The following PCDH9 variants were observed in gnomAD, a reference collection of about 807,000 sequenced individuals.
PCDH9 encodes the protein protocadherin-9.
PCDH9 carries 24 observed loss-of-function variants against 70.6 expected under a neutral mutation model. That is an observed-to-expected ratio of 0.34 (90% confidence interval 0.25 to 0.48). The LOEUF is 0.48. Among genes scored for constraint, PCDH9 ranks in the 20% least tolerant of loss-of-function variants. The pLI is 0.99. For missense variants in PCDH9, 1,281 were observed against 1,503.6 expected (o/e 0.85, Z 2.45); for synonymous variants, 562 against 558.5 (o/e 1.01, Z -0.09).
intron 3 of PCDH9, among the ~76,000 whole-genome samples, chr13:66,770,757 C>T (rs1027148776): frequency 4.6e-5 from 7 of 152,214 alleles, no homozygotes; most frequent in African/African-American, 1.4e-4. Flanking sequence ...TTTTCCTGTT[C>T]TGGCAAACTC....
intron 4 of PCDH9, among the ~76,000 whole-genome samples, chr13:66,503,322 G>A (rs1484520514): frequency 1.3e-5 from 2 of 152,114 alleles, no homozygotes; most frequent in African/African-American, 2.4e-5. Context: ...GGGGATGAGA[G>A]GGCCTGTTTA....
intron 3 of PCDH9, among the ~76,000 whole-genome samples, chr13:66,851,667 G>T (rs372118585): frequency 1.3e-5 from 2 of 151,754 alleles, no homozygotes; most frequent in Non-Finnish European, 2.9e-5. Context: ...AAGTTATTGC[G>T]GATTTTGCCA....
intron 4 of PCDH9, among the ~76,000 whole-genome samples, chr13:66,530,377 T>C (rs1302729009): frequency 6.6e-6 from 1 of 152,086 alleles, no homozygotes; most frequent in Non-Finnish European, 1.5e-5. Context: ...TTCCATTTTA[T>C]TGCTGTGCTT....
At chr13:66,668,634 G>A (rs2078129066) in intron 3 of PCDH9, among the ~76,000 whole-genome samples, 2 of 152,090 alleles carry the variant, frequency 1.3e-5, no homozygotes, top group South Asian at 4.1e-4. Context: ...AAATATAGAT[G>A]GTAATATGCA....
chr13:66,840,239 T>C (rs1320786551), intron 3 of PCDH9, among the ~76,000 whole-genome samples: 1 of 151,004 alleles, frequency 6.6e-6, no homozygotes, highest in Non-Finnish European at 1.5e-5. Context: ...TACTCAAAGA[T>C]CTTTTATATT....
intron 4 of PCDH9, among the ~76,000 whole-genome samples, chr13:66,507,000 C>A (rs554914765): frequency 6.6e-6 from 1 of 152,268 alleles, no homozygotes; most frequent in South Asian, 2.1e-4. Context: ...TAGAGACTTG[C>A]ATATTTTTAT....
At chr13:66,938,050 G>A (rs1306709351) in intron 2 of PCDH9, among the ~76,000 whole-genome samples, 1 of 152,168 alleles carries the variant, frequency 6.6e-6, no homozygotes, top group East Asian at 1.9e-4. Flanking sequence ...TTACACCACA[G>A]TGCTCTAAAA....
intron 2 of PCDH9, among the ~76,000 whole-genome samples, chr13:66,916,611 G>A (rs1376090072): frequency 4.6e-5 from 7 of 151,604 alleles, no homozygotes; most frequent in Non-Finnish European, 8.9e-5. Context: ...ATAGCTCTGA[G>A]TCTAAGAGCT....
chr13:66,949,286 C>G (rs1451953379), intron 2 of PCDH9, among the ~76,000 whole-genome samples: 1 of 152,066 alleles, frequency 6.6e-6, no homozygotes, highest in Non-Finnish European at 1.5e-5. Flanking sequence ...TATTCTTTTC[C>G]AAATATGCTA....
At chr13:66,677,837 T>G (rs541101200) in intron 3 of PCDH9, among the ~76,000 whole-genome samples, 1 of 152,134 alleles carries the variant, frequency 6.6e-6, no homozygotes, top group African/African-American at 2.4e-5. Flanking sequence ...TATTTCTTTA[T>G]AGCAATACAA....
chr13:66,954,512 T>C (rs910122746), intron 2 of PCDH9, among the ~76,000 whole-genome samples: 2 of 152,172 alleles, frequency 1.3e-5, no homozygotes, highest in Non-Finnish European at 2.9e-5. Flanking sequence ...TTCTGGGTTA[T>C]TGCAAGGAAA....
chr13:66,367,490 A>G (rs2138207924), intron 4 of PCDH9, among the ~76,000 whole-genome samples: 1 of 152,292 alleles, frequency 6.6e-6, no homozygotes, highest in African/African-American at 2.4e-5. Context: ...TAAAACCAAG[A>G]GCTATGCTCC....
chr13:66,592,330 G>A (rs995748688), intron 4 of PCDH9, among the ~76,000 whole-genome samples: 3 of 151,604 alleles, frequency 2.0e-5, no homozygotes, highest in Non-Finnish European at 4.4e-5. Context: ...TCCAATGATG[G>A]GGGGAAGAAA....
At chr13:67,162,025 C>T (rs1019712314) in intron 2 of PCDH9, among the ~76,000 whole-genome samples, 1 of 152,160 alleles carries the variant, frequency 6.6e-6, no homozygotes, top group East Asian at 1.9e-4. Context: ...TCAAGTCCGC[C>T]TTCCTAAACG....
intron 4 of PCDH9, among the ~76,000 whole-genome samples, chr13:66,450,744 G>A (rs1164474890): frequency 6.6e-6 from 1 of 152,130 alleles, no homozygotes; most frequent in Non-Finnish European, 1.5e-5. Flanking sequence ...GGCCGGGCAC[G>A]GTGGCTCACG....
chr13:66,575,665 C>A (rs752764528), intron 4 of PCDH9, among the ~76,000 whole-genome samples: 1 of 152,106 alleles, frequency 6.6e-6, no homozygotes, highest in Non-Finnish European at 1.5e-5. Flanking sequence ...CCATCAATAT[C>A]TTTTCATCCT....
chr13:67,053,549 GA>G (rs1423888095), intron 2 of PCDH9, among the ~76,000 whole-genome samples: 1 of 152,134 alleles, frequency 6.6e-6, no homozygotes, highest in Admixed American at 6.5e-5. Context: ...TTAGGAGAGA[GA>G]CAGCCTCTTT....
intron 4 of PCDH9, among the ~76,000 whole-genome samples, chr13:66,575,967 A>C (rs1196203744): frequency 6.6e-6 from 1 of 152,050 alleles, no homozygotes; most frequent in Non-Finnish European, 1.5e-5. Flanking sequence ...GCACATAGGC[A>C]TAGTACAAAA....
intron 3 of PCDH9, among the ~76,000 whole-genome samples, chr13:66,787,450 T>C (rs527382492): frequency 6.6e-6 from 1 of 152,018 alleles, no homozygotes; most frequent in South Asian, 2.1e-4. Flanking sequence ...AGCCCATGTC[T>C]ACTAAAAATA....
Sources: allele counts gnomAD v4.1 joint callset (sites outside exome capture counted in the v4.1 genomes callset), GRCh38; gene constraint gnomAD v4.1.1; transcripts MANE v1.5; gene names NCBI Gene and HGNC (gene_info 2026-07-23, HGNC 2026-07-21).